FAM133A: variants seen among roughly 807,000 people sequenced by gnomAD.
FAM133A encodes family with sequence similarity 133 member A, also known as protein FAM133A.
For missense variants in FAM133A, 159 were observed against 164.4 expected, an observed-to-expected ratio of 0.97 and a Z score of 0.18; for synonymous variants, 65 against 58.6, an observed-to-expected ratio of 1.11 and a Z score of -0.50.
At chrX:93,681,223 AGATAT>A (rs1925124310) in intron 2 of FAM133A, among the ~76,000 whole-genome samples, 1 of 110,732 alleles carries the variant, frequency 9.0e-6, no homozygotes, top group South Asian at 3.7e-4. Flanking sequence ...CAATATATAT[AGATAT>A]ATCTTATGTG....
Position 93,699,100 on chromosome X carries a change from G to A in FAM133A, c.-104+615G>A, listed in dbSNP as rs190407863. 4.5e-5 allele frequency among the ~76,000 whole-genome samples: 5 copies of A among 111,359 alleles called. No individual in the cohort carries two copies. The East Asian group carries it at 1.4e-3, about 32-fold the overall frequency. Reference sequence around the variant, plus strand: ...GATACTGAAAGAAAGAAGCTACTGAGCTTGAAGTACAGACAGAGGGGAGAA... The same window carrying A: ...GATACTGAAAGAAAGAAGCTACTGAACTTGAAGTACAGACAGAGGGGAGAA... On this transcript the variant is annotated intron_variant, in intron 3 of 3. Coordinates refer to ENST00000683942, the MANE Select transcript of FAM133A (RefSeq NM_001171109.2).
chrX:93,699,655 T>A (rs1439177123), intron 3 of FAM133A, among the ~76,000 whole-genome samples: 1 of 111,304 alleles, frequency 9.0e-6, no homozygotes, highest in African/African-American at 3.3e-5. Context: ...ATACCCGCAA[T>A]CTAGAGCCAA....
rs999991546 is a variant in FAM133A at position 93,710,165 on chromosome X, A to G, written c.746A>G (p.Ter249=). The change falls in exon 4 of 4, where the codon TAA becomes TGA. Residue 249 remains the stop codon, a stop_retained_variant. Transcript: ENST00000683942. ...KKSGSSHKSR[*] ...TCTGGATCAAGTCACAAGTCAAGGT[A>G]ACATCAAGAAAAAAAGCAAGAATGA... is the stretch of plus-strand genomic sequence containing the variant. 1.2e-5 allele frequency: 14 copies of G among 1,151,489 alleles called. No individual in the cohort carries two copies. The highest frequency in any genetic ancestry group is 1.6e-5 in the Non-Finnish European group (14 of 873,213). The allele number at this position is 1,151,489 out of a possible 1,213,427, so 94.9% of individuals were successfully genotyped here.
At chrX:93,673,818 A>G (rs1197415170), upstream of FAM133A, among the ~76,000 whole-genome samples, 1 of 107,786 alleles carries the variant, frequency 9.3e-6, no homozygotes, top group Non-Finnish European at 1.9e-5. Flanking sequence ...CTGCCCCCCA[A>G]AAAGTCTATA....
At chrX:93,702,835 GATAAAA>G (rs1926791179) in intron 3 of FAM133A, among the ~76,000 whole-genome samples, 1 of 27,123 alleles carries the variant, frequency 3.7e-5, no homozygotes, top group African/African-American at 1.7e-4. Context: ...TTATAGCTAT[GATAAAA>G]AAAAAAAAAA....
intron 2 of FAM133A, among the ~76,000 whole-genome samples, chrX:93,679,261 T>C: frequency 9.0e-6 from 1 of 111,681 alleles, no homozygotes; most frequent in African/African-American, 3.2e-5. Flanking sequence ...GTTGTTATGA[T>C]GTTACTATTA....
intron 2 of FAM133A, among the ~76,000 whole-genome samples, chrX:93,689,963 A>C (rs929365699): frequency 1.8e-5 from 2 of 110,766 alleles, no homozygotes; most frequent in African/African-American, 6.6e-5. Context: ...AAAATTGAGA[A>C]GGAAAGCAAG....
rs1035479830 is a variant in FAM133A, at chrX:93,710,722, T to G, written c.*556T>G. On this transcript the variant is annotated 3_prime_UTR_variant, in exon 4 of 4. Coordinates refer to ENST00000683942, the MANE Select transcript of FAM133A (RefSeq NM_001171109.2). ...GTGCCTTTGACTCTTACACATCCTA[T>G]TTTTGCCAGAGCAGCAGCCGTCCTT... 1.6e-5 allele frequency: 2 copies of G among 122,804 alleles called. No individual in the cohort carries two copies. Among genetic ancestry groups the G allele is most frequent in the Non-Finnish European group, 3.8e-5 (2 of 53,149 alleles). The allele number at this position is 122,804 out of a possible 1,213,427, so 10.1% of individuals were successfully genotyped here.
At chrX:93,705,306 A>T (rs1926968988) in intron 3 of FAM133A, among the ~76,000 whole-genome samples, 1 of 111,854 alleles carries the variant, frequency 8.9e-6, no homozygotes, top group African/African-American at 3.2e-5. Flanking sequence ...AAATAAGTAG[A>T]TGTACAGAAA....
At chrX:93,680,448 G>A (rs1925058441) in intron 2 of FAM133A, among the ~76,000 whole-genome samples, 1 of 110,959 alleles carries the variant, frequency 9.0e-6, no homozygotes, top group Admixed American at 9.6e-5. Context: ...CATATCCTTT[G>A]GATATATCCT....
chrX:93,709,797 A>C lies in FAM133A; in HGVS notation c.378A>C (p.Lys126Asn). 1 of 1,194,875 alleles carries C rather than the reference A, an allele frequency of 8.4e-7. No homozygotes were observed. The highest frequency in any genetic ancestry group is 1.1e-6 in the Non-Finnish European group (1 of 886,541). The change falls in exon 4 of 4, where the codon AAA (lysine) becomes AAC (asparagine). Residue 126 changes from lysine (K) to asparagine (N), a missense_variant. Lys to Asn is a moderately conservative substitution (Grantham distance 94, BLOSUM62 0). Transcript: ENST00000683942. ...SSSDSEDEEK[K>N]QGKRRKKKKN... Reference sequence around the variant, plus strand: ...CAGATTCTGAGGATGAGGAAAAGAAACAAGGAAAAAGGAGAAAGAAAAAGA... The same window carrying C: ...CAGATTCTGAGGATGAGGAAAAGAACCAAGGAAAAAGGAGAAAGAAAAAGA...
intron 3 of FAM133A, among the ~76,000 whole-genome samples, chrX:93,709,090 G>T (rs1378401817): frequency 2.7e-5 from 3 of 111,665 alleles, no homozygotes; most frequent in African/African-American, 9.8e-5. Context: ...GTATCTGTCA[G>T]AATCTTACAT....
Position 93,709,950 on chromosome X carries a change from CA to C in FAM133A, c.538del (p.Arg180GlufsTer43). 3 of 1,185,789 alleles carry C rather than the reference CA, an allele frequency of 2.5e-6. No individual in the cohort carries two copies. Among genetic ancestry groups the C allele is most frequent in the Non-Finnish European group, 3.4e-6 (3 of 886,920 alleles). Reference sequence around the variant, plus strand: ...AAGAAAAGGATGTAAGAAGCCTCAGCAAAAAAAGAAAGAAAAGTTACCCTGA... The same window carrying C: ...AAGAAAAGGATGTAAGAAGCCTCAGCAAAAAAGAAAGAAAAGTTACCCTGA... ...EKEKDVRSLS[K>X]KRKKSYPDDK... is the part of the protein sequence containing the mutation. On this transcript the variant is annotated frameshift_variant, in exon 4 of 4. Coordinates refer to ENST00000683942, the MANE Select transcript of FAM133A (RefSeq NM_001171109.2). LOFTEE classifies it high-confidence loss of function.
chrX:93,697,071 T>C (rs1926342897), intron 2 of FAM133A, among the ~76,000 whole-genome samples: 1 of 108,786 alleles, frequency 9.2e-6, no homozygotes, highest in Admixed American at 9.9e-5. Flanking sequence ...GGAGACCATG[T>C]TGAAAATGTA....
chrX:93,706,977 G>C (rs185440676), intron 3 of FAM133A, among the ~76,000 whole-genome samples: 31 of 111,863 alleles, frequency 2.8e-4, no homozygotes, highest in African/African-American at 9.7e-4. Context: ...GTGTCTCCCC[G>C]TTAGCTTCAC....
intron 2 of FAM133A, among the ~76,000 whole-genome samples, chrX:93,680,155 C>G (rs1479013958): frequency 9.2e-6 from 1 of 108,921 alleles, no homozygotes; most frequent in Non-Finnish European, 1.9e-5. Flanking sequence ...CTCTTTGTTT[C>G]TATGAATGTG....
At chrX:93,705,637 A>G (rs1024791145) in intron 3 of FAM133A, among the ~76,000 whole-genome samples, 1 of 111,129 alleles carries the variant, frequency 9.0e-6, no homozygotes, top group African/African-American at 3.3e-5. Context: ...GAAATACTTC[A>G]TCTTTCTCCC....
intron 2 of FAM133A, among the ~76,000 whole-genome samples, chrX:93,681,463 C>A (rs1384312715): frequency 1.8e-5 from 2 of 111,310 alleles, no homozygotes; most frequent in African/African-American, 6.5e-5. Context: ...AGTAGTTGTT[C>A]TCCATTCTGG....
At position 93,709,813 on chromosome X, in the gene FAM133A, A is replaced by C. The variant is rs1339584232; in HGVS notation, c.394A>C (p.Lys132Gln). Residue 132 changes from lysine to glutamine, a missense_variant, in exon 4 of 4, where the codon AAG becomes CAG. By Grantham distance (53) the Lys-to-Gln change is moderately conservative (BLOSUM62 1). Coordinates refer to ENST00000683942, the MANE Select transcript of FAM133A (RefSeq NM_001171109.2). The part of the protein sequence containing the change: ...DEEKKQGKRR[K>Q]KKKNRSYKSS... ...GGAAAAGAAACAAGGAAAAAGGAGA[A>C]AGAAAAAGAAGAACCGTTCATACAA... 1 of 1,197,277 alleles carries C rather than the reference A, an allele frequency of 8.4e-7. No individual in the cohort carries two copies. Among genetic ancestry groups the C allele is most frequent in the African/African-American group, 1.7e-5 (1 of 57,453 alleles).
Sources: allele counts gnomAD v4.1 joint callset (sites outside exome capture counted in the v4.1 genomes callset), GRCh38; gene constraint gnomAD v4.1.1; transcripts MANE v1.5; gene names NCBI Gene and HGNC (gene_info 2026-07-23, HGNC 2026-07-21).